Variants in CLDN11 observed in about 807,000 individuals in gnomAD.
CLDN11 encodes the protein claudin 11, also known as claudin-11.
A neutral mutation model predicts 18.0 loss-of-function variants in CLDN11; 1 was observed. That is an observed-to-expected ratio of 0.06 (90% CI 0.02 to 0.26). The LOEUF is 0.26. Among genes scored for constraint, CLDN11 ranks in the 10% least tolerant of loss-of-function variants. The probability of loss-of-function intolerance (pLI) is 1.00; values close to 1 mark genes in which losing one functional copy is unlikely to be tolerated. For missense variants in CLDN11, 172 were observed against 276.6 expected, an observed-to-expected ratio of 0.62 and a Z score of 2.68; for synonymous variants, 116 against 121.5, an observed-to-expected ratio of 0.96 and a Z score of 0.30.
chr3:170,423,388 G>C lies in CLDN11; in HGVS notation c.391+61G>C. On this transcript the variant is annotated intron_variant, in intron 2 of 2. Transcript: ENST00000064724. ...GGGAGCCTGATGAATCTCAGATCTT[G>C]TGGTTGCTGCCTTCTCAAGTTCAAG... 4.5e-6 allele frequency: 7 copies of C among 1,572,760 alleles called. No individual in the cohort carries two copies. In the South Asian group the frequency reaches 7.8e-5, roughly 18 times the overall value.
chr3:170,421,154 G>T (rs1285485603), intron 1 of CLDN11: 6 of 129,624 alleles, frequency 4.6e-5, no homozygotes, highest in African/African-American at 4.4e-4. Context: ...TCTGGGGGTG[G>T]GGGGGGGGTG....
rs1738665190 is a variant in CLDN11, at chr3:170,419,358, A to G, written c.226+66A>G. 7 of 1,199,842 alleles carry G rather than the reference A, an allele frequency of 5.8e-6. No homozygotes were observed. Among genetic ancestry groups the G allele is most frequent in the Non-Finnish European group, 8.2e-6 (7 of 851,816 alleles). 74.3% of individuals were successfully genotyped at this position (1,199,842 alleles called of 1,614,324 possible). ...CTCTGGGTAGAGAGCGGGATATTAG[A>G]CGGCGTCACAGAGACATTTTGGGGG... On this transcript the variant is annotated intron_variant, in intron 1 of 2. Coordinates refer to ENST00000064724, the MANE Select transcript of CLDN11 (RefSeq NM_005602.6). The surrounding 1 kb of genome is among the most constrained non-coding windows in gnomAD (Gnocchi z 8.6).
intron 1 of CLDN11, among the ~76,000 whole-genome samples, chr3:170,421,596 T>C (rs1738726700): frequency 6.6e-6 from 1 of 152,156 alleles, no homozygotes; most frequent in Non-Finnish European, 1.5e-5. Context: ...GTGAGGCAGA[T>C]GTCGGCTAGA....
intron 2 of CLDN11, among the ~76,000 whole-genome samples, chr3:170,424,023 CAAAA>C (rs58373106): frequency 8.3e-6 from 1 of 120,316 alleles, no homozygotes; most frequent in Non-Finnish European, 1.7e-5. Flanking sequence ...AGTGCAACTC[CAAAA>C]AAAAAAAAAA....
intron 2 of CLDN11, among the ~76,000 whole-genome samples, chr3:170,425,398 C>T (rs1577470306): frequency 6.6e-6 from 1 of 152,212 alleles, no homozygotes; most frequent in East Asian, 1.9e-4. Flanking sequence ...AACAAACATA[C>T]AAACCCTGGA....
intron 2 of CLDN11, among the ~76,000 whole-genome samples, chr3:170,427,726 T>G (rs1738891920): frequency 6.6e-6 from 1 of 151,784 alleles, no homozygotes; most frequent in Non-Finnish European, 1.5e-5. Context: ...CGAGGATTGC[T>G]TGAACCCATG....
intron 2 of CLDN11, among the ~76,000 whole-genome samples, chr3:170,426,041 C>T (rs17826537): frequency 0.034 from 5,186 of 152,186 alleles, 122 homozygotes; most frequent in Non-Finnish European, 0.047. Context: ...GAGAAGCCAG[C>T]GCTAGGCCTG....
chr3:170,432,517 T>C lies in CLDN11; in HGVS notation c.392-7T>C. On this transcript the variant is annotated splice_polypyrimidine_tract_variant and splice_region_variant and intron_variant, in intron 2 of 2. Coordinates refer to ENST00000064724, the MANE Select transcript of CLDN11 (RefSeq NM_005602.6). ...CGCCCAGTCACCGCCTCTCCATGTC[T>C]CTCCAGCTCTCTGCGCCCTTGTTGC... 6.2e-7 allele frequency: 1 copy of C among 1,611,768 alleles called. No homozygotes were observed. The highest frequency in any genetic ancestry group is 1.1e-5 in the South Asian group (1 of 91,086).
rs1739028259 is a variant in CLDN11, at chr3:170,432,647, G to C, written c.515G>C (p.Gly172Ala). 1 of 1,614,046 alleles carries C rather than the reference G, an allele frequency of 6.2e-7. No homozygotes were observed. Among genetic ancestry groups the C allele is most frequent in the African/African-American group, 1.3e-5 (1 of 74,924 alleles). The change falls in exon 3 of 3, where the codon GGC (glycine) becomes GCC (alanine). Residue 172 changes from glycine to alanine, a missense_variant. Physicochemically the swap from Gly to Ala is moderately conservative, Grantham distance 60. Around this residue, in one of 3 missense-constraint regions of CLDN11, gnomAD observed 161 missense variants for 240.3 expected, o/e 0.67. Transcript: ENST00000064724. ...GGTGCTGTGCTGTGCCTCGTGGGTG[G>C]CTGTGTCATCCTCTGCTGCGCTGGA... The part of the protein sequence containing the change: ...WIGAVLCLVG[G>A]CVILCCAGDA...
intron 2 of CLDN11, among the ~76,000 whole-genome samples, chr3:170,424,918 TGTGTGTGTGTGTGTGTGTGTGTGCGCGC>T (rs936894602): frequency 9.1e-6 from 1 of 110,076 alleles, no homozygotes; most frequent in African/African-American, 2.9e-5. Flanking sequence ...GCCACAAGGG[TGTGTGTGTGTGTGTGTGTGTGTGCGCGC>T]GTGTGTGTGT....
rs893651001 is a variant in CLDN11, at chr3:170,418,957, C to A, written c.-110C>A. On this transcript the variant is annotated 5_prime_UTR_variant, in exon 1 of 3. Transcript: ENST00000064724. The surrounding 1 kb of genome is among the most constrained non-coding windows in gnomAD (Gnocchi z 4.3). ...CCTCCAGTGTCCCGCCTCGGGCCGT[C>A]GCCCTCCAGCGGCTCGCGAGCGTGG... is the stretch of plus-strand genomic sequence containing the variant. 7 of 815,992 alleles carry A rather than the reference C, an allele frequency of 8.6e-6. No individual in the cohort carries two copies. Among genetic ancestry groups the A allele is most frequent in the South Asian group, 1.7e-5 (1 of 58,426 alleles). 50.5% of individuals were successfully genotyped at this position (815,992 alleles called of 1,614,324 possible). A position where few individuals can be genotyped will look rare whatever the true frequency, so the allele number is the denominator to read the frequency against.
At chr3:170,424,412 G>A (rs1257586638) in intron 2 of CLDN11, among the ~76,000 whole-genome samples, 3 of 152,196 alleles carry the variant, frequency 2.0e-5, no homozygotes, top group Non-Finnish European at 4.4e-5. Flanking sequence ...GGGAGGGACA[G>A]TCCAGGGACA....
chr3:170,428,134 T>C (rs1222572557), intron 2 of CLDN11, among the ~76,000 whole-genome samples: 3 of 129,354 alleles, frequency 2.3e-5, no homozygotes, highest in Non-Finnish European at 4.9e-5. Context: ...GTGACAGATA[T>C]CCTATCAAAA....
At position 170,434,256 on chromosome 3, in the gene CLDN11, G is replaced by A. The variant is rs74578076; in HGVS notation, c.*1500G>A. ...AATTAAAAAGTTATATTTTATTCACGGTATTGCAGTGGTAATTTGTGGTCA... is the reference window on the plus strand; with the variant it reads ...AATTAAAAAGTTATATTTTATTCACAGTATTGCAGTGGTAATTTGTGGTCA... On this transcript the variant is annotated 3_prime_UTR_variant, in exon 3 of 3. Transcript: ENST00000064724. Among the ~76,000 whole-genome samples, 2,491 of 152,252 alleles carry A rather than the reference G, an allele frequency of 0.016. 46 individuals carry two copies. Among genetic ancestry groups the A allele is most frequent in the African/African-American group, 0.055 (2,273 of 41,548 alleles).
chr3:170,423,642 G>A (rs1738773720), intron 2 of CLDN11: 1 of 321,296 alleles, frequency 3.1e-6, no homozygotes, highest in Non-Finnish European at 5.9e-6. Flanking sequence ...AATCCTTTTT[G>A]AACACCTATG....
intron 2 of CLDN11, among the ~76,000 whole-genome samples, chr3:170,425,578 A>G (rs1738833978): frequency 6.6e-6 from 1 of 152,226 alleles, no homozygotes; most frequent in Non-Finnish European, 1.5e-5. Flanking sequence ...ATAGATAGGC[A>G]GCATCACAGA....
intron 1 of CLDN11, 60 bp from the exon 2 acceptor site, chr3:170,423,103 G>A (rs760387853): frequency 6.3e-7 from 1 of 1,578,676 alleles, no homozygotes; most frequent in Non-Finnish European, 8.7e-7. Context: ...CCTAAGGCAG[G>A]GCTCAGGAAG....
At chr3:170,426,885 G>A (rs1341569102) in intron 2 of CLDN11, among the ~76,000 whole-genome samples, 4 of 152,096 alleles carry the variant, frequency 2.6e-5, no homozygotes, top group African/African-American at 4.8e-5. Flanking sequence ...GGGTTCAAGC[G>A]ATTCTCCTGC....
At chr3:170,423,363 G>C in intron 2 of CLDN11, 36 bp downstream of exon 2, 1 of 1,605,376 alleles carries the variant, frequency 6.2e-7, no homozygotes, top group Non-Finnish European at 8.5e-7. Context: ...CTACCTATGA[G>C]GGAGCCTGAT....
Sources: allele counts gnomAD v4.1 joint callset (sites outside exome capture counted in the v4.1 genomes callset), GRCh38; gene constraint gnomAD v4.1.1; regional missense constraint gnomAD v4.1.1; non-coding constraint Gnocchi (gnomAD v3.1); transcripts MANE v1.5; gene names NCBI Gene and HGNC (gene_info 2026-07-23, HGNC 2026-07-21).